The following KCNMA1 variants were observed in gnomAD, a reference collection of about 807,000 sequenced individuals.
KCNMA1 encodes Calcium-activated potassium channel subunit alpha-1.
A neutral mutation model predicts 140.0 loss-of-function variants in KCNMA1; 29 were observed. That is an observed-to-expected ratio of 0.21 (90% CI 0.15 to 0.28). The LOEUF (loss-of-function observed/expected upper bound fraction) is 0.28, where lower values mean the gene tolerates loss of function less well. KCNMA1 is among the 10% of genes least tolerant of loss of function. The pLI, the probability that KCNMA1 is intolerant of heterozygous loss-of-function variation, is 1.00. For missense variants in KCNMA1, 880 were observed against 1,602.2 expected (o/e 0.55, Z 7.70); for synonymous variants, 612 against 611.9 (o/e 1.00, Z 0.00).
At chr10:77,084,830 AAAAC>A in intron 11 of KCNMA1, 111 bp from the exon 12 acceptor site, 1 of 774,876 alleles carries the variant, frequency 1.3e-6, no homozygotes, top group Non-Finnish European at 2.2e-6. Context: ...AGAAAAAAAA[AAAAC>A]AATCCTGAGA....
chr10:77,171,671 A>G (rs1372356619), intron 5 of KCNMA1, among the ~76,000 whole-genome samples: 4 of 152,192 alleles, frequency 2.6e-5, no homozygotes, highest in African/African-American at 7.2e-5. Flanking sequence ...TTTAGCCCAT[A>G]GAAGAATCAC....
intron 3 of KCNMA1, among the ~76,000 whole-genome samples, chr10:77,202,699 G>T (rs181977569): frequency 2.6e-5 from 4 of 152,292 alleles, no homozygotes; most frequent in African/African-American, 9.6e-5. Flanking sequence ...TACTTTGCAA[G>T]TTAGAAGAGA....
intron 1 of KCNMA1, among the ~76,000 whole-genome samples, chr10:77,615,246 C>T (rs575957230): frequency 1.3e-5 from 2 of 152,274 alleles, no homozygotes; most frequent in Admixed American, 1.3e-4. Flanking sequence ...GGTCCATTCA[C>T]CATTCACCAG....
At chr10:76,889,853 TC>T (rs539955353) in intron 26 of KCNMA1, 117 of 458,404 alleles carry the variant, frequency 2.6e-4, no homozygotes, top group African/African-American at 2.1e-3. Flanking sequence ...ATTATGCTTC[TC>T]CCTCACTTTA....
At chr10:77,097,043 G>A (rs575505609) in intron 9 of KCNMA1, among the ~76,000 whole-genome samples, 5 of 152,180 alleles carry the variant, frequency 3.3e-5, no homozygotes, top group South Asian at 4.2e-4. Context: ...AAAGCTTCAC[G>A]TTTGCCCCCC....
chr10:77,474,347 C>T (rs998676608), intron 1 of KCNMA1, among the ~76,000 whole-genome samples: 2 of 152,158 alleles, frequency 1.3e-5, no homozygotes, highest in Non-Finnish European at 2.9e-5. Flanking sequence ...TAGGGTGGGC[C>T]TTCATCCAAC....
chr10:77,319,988 C>T (rs937592756), intron 2 of KCNMA1, among the ~76,000 whole-genome samples: 1 of 152,216 alleles, frequency 6.6e-6, no homozygotes, highest in African/African-American at 2.4e-5. Context: ...CGAAGCAGAA[C>T]AATTCTGCTT....
chr10:77,448,236 C>T (rs1322761771), intron 1 of KCNMA1, among the ~76,000 whole-genome samples: 1 of 152,172 alleles, frequency 6.6e-6, no homozygotes, highest in African/African-American at 2.4e-5. Context: ...GAAACACTGT[C>T]TCCTGCATGG....
chr10:77,571,642 A>G lies in KCNMA1; in HGVS notation c.378+65623T>C, dbSNP rs796461145. 5.9e-5 allele frequency among the ~76,000 whole-genome samples: 9 copies of G among 152,130 alleles called. No homozygotes were observed. The East Asian group carries it at 1.5e-3, about 26-fold the overall frequency. On this transcript the variant is annotated intron_variant, in intron 1 of 27. Coordinates refer to ENST00000286628, the MANE Select transcript of KCNMA1 (RefSeq NM_001161352.2). Reference sequence around the variant, plus strand: ...GGGATATATTTCTCCTGTAGGGGAAAGCTTCAGACAGAAATCTCATTTCCA... The same window carrying G: ...GGGATATATTTCTCCTGTAGGGGAAGGCTTCAGACAGAAATCTCATTTCCA...
intron 11 of KCNMA1, 144 bp from the exon 12 acceptor site, chr10:77,084,863 T>C (rs2153753896): frequency 1.5e-6 from 1 of 678,484 alleles, no homozygotes; most frequent in East Asian, 2.7e-5. Context: ...GATTATAGTT[T>C]TTGTCAAAAG....
At chr10:77,276,921 T>G (rs1169271586) in intron 2 of KCNMA1, among the ~76,000 whole-genome samples, 2 of 152,180 alleles carry the variant, frequency 1.3e-5, no homozygotes, top group African/African-American at 4.8e-5. Context: ...TCTATTATTA[T>G]TATCCCCACT....
chr10:76,963,948 T>C (rs2072802188), intron 20 of KCNMA1, among the ~76,000 whole-genome samples: 1 of 152,086 alleles, frequency 6.6e-6, no homozygotes, highest in Non-Finnish European at 1.5e-5. Flanking sequence ...AAAGGAATCA[T>C]AGTTGGGTGT....
chr10:77,177,902 T>C (rs563250839), intron 5 of KCNMA1, among the ~76,000 whole-genome samples: 1 of 152,358 alleles, frequency 6.6e-6, no homozygotes, highest in East Asian at 1.9e-4. Flanking sequence ...AACTTTAGTC[T>C]CAAACAGGAA....
At chr10:77,071,022 T>A (rs555093744) in intron 14 of KCNMA1, among the ~76,000 whole-genome samples, 2 of 152,290 alleles carry the variant, frequency 1.3e-5, no homozygotes, top group East Asian at 3.9e-4. Flanking sequence ...AGAAATAATG[T>A]GGTAACATAA....
chr10:76,880,282 T>G (rs2034090486), downstream of KCNMA1, among the ~76,000 whole-genome samples: 1 of 152,082 alleles, frequency 6.6e-6, no homozygotes, highest in African/African-American at 2.4e-5. Context: ...TCATTTAAAC[T>G]TCTCTCTTTC....
chr10:77,265,771 C>T (rs539063622), intron 2 of KCNMA1, among the ~76,000 whole-genome samples: 15 of 152,056 alleles, frequency 9.9e-5, no homozygotes, highest in African/African-American at 3.4e-4. Flanking sequence ...CAAAACAAAA[C>T]AAAACAAAAC....
intron 2 of KCNMA1, 95 bp downstream of exon 2, chr10:77,403,767 T>C (rs2096366379): frequency 2.3e-6 from 3 of 1,308,696 alleles, no homozygotes; most frequent in Non-Finnish European, 3.2e-6. Context: ...GCCAGCCTCC[T>C]GCAGAAGACC....
intron 1 of KCNMA1, among the ~76,000 whole-genome samples, chr10:77,504,310 T>C (rs764453488): frequency 6.6e-6 from 1 of 152,172 alleles, no homozygotes; most frequent in African/African-American, 2.4e-5. Context: ...GCTGGCAGGA[T>C]TGGAACCCAG....
chr10:77,084,936 C>T (rs2096658877), intron 11 of KCNMA1, among the ~76,000 whole-genome samples: 1 of 152,142 alleles, frequency 6.6e-6, no homozygotes, highest in Admixed American at 6.5e-5. Flanking sequence ...GAGGGTACAA[C>T]ATGTACCTTG....
Sources: allele counts gnomAD v4.1 joint callset (sites outside exome capture counted in the v4.1 genomes callset), GRCh38; gene constraint gnomAD v4.1.1; transcripts MANE v1.5; gene names NCBI Gene and HGNC (gene_info 2026-07-23, HGNC 2026-07-21).